ROPN1B: variants seen among roughly 807,000 people sequenced by gnomAD.
ROPN1B encodes ropporin-1B.
ROPN1B carries 13 observed loss-of-function variants against 23.7 expected under a neutral mutation model. The ratio of observed to expected loss-of-function variants is 0.55; its 90% confidence interval spans 0.36 to 0.87. The LOEUF is 0.87. Among genes scored for constraint, ROPN1B ranks in the 40% least tolerant of loss-of-function variants. The pLI is 0.01. For missense variants in ROPN1B, 183 were observed against 249.2 expected (o/e 0.73, Z 1.79); for synonymous variants, 67 against 100.4 (o/e 0.67, Z 1.99).
At chr3:125,971,970 A>G in intron 2 of ROPN1B, 73 bp from the exon 3 acceptor site, 1 of 1,386,740 alleles carries the variant, frequency 7.2e-7, no homozygotes, top group Non-Finnish European at 9.8e-7. Flanking sequence ...AGGCTGGGTG[A>G]CCTCCTGTCC....
chr3:125,982,921 A>C (rs908021735), intron 6 of ROPN1B, among the ~76,000 whole-genome samples: 1 of 152,166 alleles, frequency 6.6e-6, no homozygotes, highest in Non-Finnish European at 1.5e-5. Context: ...GGGTGGGTGA[A>C]TGGCTTGAGC....
At chr3:125,982,645 T>C (rs1938648587) in intron 6 of ROPN1B, among the ~76,000 whole-genome samples, 200 bp downstream of exon 6, 1 of 152,196 alleles carries the variant, frequency 6.6e-6, no homozygotes, top group East Asian at 1.9e-4. Context: ...CTTTGAGTGC[T>C]ACTGAGGCTA....
chr3:125,979,868 C>T (rs578021649), intron 5 of ROPN1B, among the ~76,000 whole-genome samples: 6 of 152,190 alleles, frequency 3.9e-5, no homozygotes, highest in Non-Finnish European at 7.4e-5. Context: ...GAGCTCTCTG[C>T]GTCGAATACA....
At position 125,971,665 on chromosome 3, in the gene ROPN1B, T is replaced by C. The variant is rs4384909; in HGVS notation, c.-12-378T>C. ...GGATGACATGCAAAGATGTTCATGA[T>C]ATACTTTTGAGTAAATAAGCTGTTT... On this transcript the variant is annotated intron_variant, in intron 2 of 6. Transcript: ENST00000514116. Among the ~76,000 whole-genome samples the C allele has an allele frequency of 5.6e-3, 849 of 152,360 alleles. 10 individuals are homozygous for C. Among genetic ancestry groups the C allele is most frequent in the African/African-American group, 0.02 (813 of 41,580 alleles).
intron 5 of ROPN1B, among the ~76,000 whole-genome samples, chr3:125,979,290 A>G (rs954206952): frequency 2.0e-5 from 3 of 152,126 alleles, no homozygotes; most frequent in African/African-American, 7.2e-5. Flanking sequence ...ATCATGCTGG[A>G]CTGTTTCTGG....
intron 3 of ROPN1B, chr3:125,973,172 T>C (rs1280038810): frequency 2.9e-6 from 1 of 345,458 alleles, no homozygotes; most frequent in East Asian, 7.8e-5. Context: ...AGCCAGTGAG[T>C]TGGGGAAGGG....
chr3:125,982,163 T>C, intron 5 of ROPN1B, 107 bp from the exon 6 acceptor site: 1 of 921,654 alleles, frequency 1.1e-6, no homozygotes, highest in Admixed American at 3.3e-5. Context: ...TTGTTCCCAC[T>C]TCATTTTATA....
Position 125,982,211 on chromosome 3 carries a change from G to A in ROPN1B, c.397-59G>A, listed in dbSNP as rs1580352117. On this transcript the variant is annotated intron_variant, in intron 5 of 6. Coordinates refer to ENST00000514116, the MANE Select transcript of ROPN1B (RefSeq NM_001308313.2). ...TTGTTTTCTTTCTTGTATCTAAATG[G>A]ATCTCAGGAATATTGCCTGGAAGAG... 5.0e-6 allele frequency: 7 copies of A among 1,401,942 alleles called. No homozygotes were observed. The East Asian group carries it at 1.5e-4, about 30-fold the overall frequency. 86.8% of individuals were successfully genotyped at this position (1,401,942 alleles called of 1,614,324 possible). A position where few individuals can be genotyped will look rare whatever the true frequency, so the allele number is the denominator to read the frequency against.
At chr3:125,982,776 C>T (rs988873637) in intron 6 of ROPN1B, among the ~76,000 whole-genome samples, 2 of 152,108 alleles carry the variant, frequency 1.3e-5, no homozygotes, top group Non-Finnish European at 2.9e-5. Flanking sequence ...TTTATAAGCC[C>T]CTCCAGTAAC....
chr3:125,970,450 A>C (rs142450880), intron 1 of ROPN1B, among the ~76,000 whole-genome samples: 1 of 152,304 alleles, frequency 6.6e-6, no homozygotes, highest in African/African-American at 2.4e-5. Flanking sequence ...CATACCAATA[A>C]AAACAAGTGA....
chr3:125,979,249 T>A (rs1009678087), intron 5 of ROPN1B, among the ~76,000 whole-genome samples: 1 of 150,928 alleles, frequency 6.6e-6, no homozygotes, highest in African/African-American at 2.5e-5. Flanking sequence ...GCCCTATGAA[T>A]CCAGTAATCA....
intron 3 of ROPN1B, among the ~76,000 whole-genome samples, chr3:125,975,124 G>A (rs374960558): frequency 9.2e-5 from 14 of 151,812 alleles, no homozygotes; most frequent in Non-Finnish European, 1.9e-4. Context: ...ATTACAGGCC[G>A]TAGCCACCAT....
chr3:125,976,165 T>C (rs916239982), intron 4 of ROPN1B, among the ~76,000 whole-genome samples: 2 of 151,964 alleles, frequency 1.3e-5, no homozygotes, highest in African/African-American at 4.8e-5. Context: ...ATGAGGAGGG[T>C]CCGGCTTGAG....
rs113642557 is a variant in ROPN1B at position 125,979,979 on chromosome 3, T to C, written c.397-2291T>C. On this transcript the variant is annotated intron_variant, in intron 5 of 6. Transcript: ENST00000514116. ...GCCACCTCCTGTTCCACTGAACTGA[T>C]TATTAAAAAAGGAAGAGATCACGTA... Among the ~76,000 whole-genome samples, 708 of 152,368 alleles carry C rather than the reference T, an allele frequency of 4.6e-3. 3 individuals are homozygous for C. Among genetic ancestry groups the C allele is most frequent in the African/African-American group, 0.016 (660 of 41,584 alleles).
At chr3:125,983,134 C>T (rs1938667294) in intron 6 of ROPN1B, 120 bp from the exon 7 acceptor site, 2 of 761,796 alleles carry the variant, frequency 2.6e-6, no homozygotes, top group Admixed American at 2.3e-5. Flanking sequence ...CTCAGAAAAA[C>T]AAAGTTAAGA....
chr3:125,980,499 C>T (rs1383952316), intron 5 of ROPN1B, among the ~76,000 whole-genome samples: 1 of 152,184 alleles, frequency 6.6e-6, no homozygotes, highest in African/African-American at 2.4e-5. Flanking sequence ...GCTTCTCGAA[C>T]TGTGTCCCTC....
intron 2 of ROPN1B, among the ~76,000 whole-genome samples, chr3:125,971,373 AT>A (rs1161366782): frequency 6.6e-6 from 1 of 152,188 alleles, no homozygotes; most frequent in African/African-American, 2.4e-5. Context: ...GCAGAAAAAA[AT>A]CTTTTGATCT....
chr3:125,981,633 C>T (rs2107609203), intron 5 of ROPN1B, among the ~76,000 whole-genome samples: 1 of 152,272 alleles, frequency 6.6e-6, no homozygotes, highest in Middle Eastern at 3.4e-3. Context: ...TCTGTAGTAA[C>T]CCTTCTGTTA....
chr3:125,982,931 C>G (rs565922177), intron 6 of ROPN1B, among the ~76,000 whole-genome samples: 1 of 152,078 alleles, frequency 6.6e-6, no homozygotes, highest in African/African-American at 2.4e-5. Flanking sequence ...ATGGCTTGAG[C>G]TCAGGAGTTC....
Sources: allele counts gnomAD v4.1 joint callset (sites outside exome capture counted in the v4.1 genomes callset), GRCh38; gene constraint gnomAD v4.1.1; transcripts MANE v1.5; gene names NCBI Gene and HGNC (gene_info 2026-07-23, HGNC 2026-07-21).